The following SOAT2 variants were observed in gnomAD, a reference collection of about 807,000 sequenced individuals.
SOAT2 encodes the protein ACAT-2.
In SOAT2, 87 loss-of-function variants were observed where a neutral mutation model predicts 76.0. That is an observed-to-expected ratio of 1.14 (90% confidence interval 0.96 to 1.37). SOAT2 has a LOEUF of 1.37. Ranked by LOEUF, SOAT2 falls within the 40% of genes most tolerant of loss-of-function variation. The probability of loss-of-function intolerance (pLI) is 0.00; values close to 1 mark genes in which losing one functional copy is unlikely to be tolerated. For missense variants in SOAT2, 686 were observed against 682.1 expected (o/e 1.01, Z -0.06); for synonymous variants, 285 against 275.4 (o/e 1.03, Z -0.34).
At chr12:53,115,967 A>T (rs945924391) in intron 6 of SOAT2, 130 bp from the exon 7 acceptor site, 45 of 823,422 alleles carry the variant, frequency 5.5e-5, no homozygotes, top group Middle Eastern at 2.3e-4. Flanking sequence ...ACAAAAAGAA[A>T]AAGTATGGGC....
chr12:53,105,103 G>T lies in SOAT2; in HGVS notation c.139-4G>T. The T allele has an allele frequency of 6.4e-7, 1 of 1,555,590 alleles. No homozygotes were observed. ...GTGGGCTCTACCCTGGCTTTGTCCC[G>T]TAGGCTGTGAAGGCACAATTGCTGG... On this transcript the variant is annotated splice_polypyrimidine_tract_variant and splice_region_variant and intron_variant, in intron 2 of 14. Transcript: ENST00000301466.
intron 3 of SOAT2, among the ~76,000 whole-genome samples, 159 bp downstream of exon 3, chr12:53,105,402 G>A (rs546949717): frequency 3.9e-5 from 6 of 152,084 alleles, no homozygotes; most frequent in South Asian, 2.1e-4. Flanking sequence ...ACTGGGCCTC[G>A]CTCTGCCCTG....
Position 53,123,831 on chromosome 12 carries a change from C to T in SOAT2, c.1476C>T (p.Tyr492=). 3.1e-6 allele frequency: 5 copies of T among 1,614,164 alleles called. No homozygotes were observed. Among genetic ancestry groups the T allele is most frequent in the Non-Finnish European group, 4.2e-6 (5 of 1,180,036 alleles). ...GCCAGGGAATCCAGGTCAGCCTGTA[C>T]TGCCAGGAGTGGTACGCACGGCGGC... The part of the protein sequence containing the change: ...FLGQGIQVSL[Y]CQEWYARRHC... Residue 492 remains tyrosine, a synonymous_variant, in exon 14 of 15, where the codon TAC becomes TAT. Transcript: ENST00000301466.
chr12:53,123,608 C>A, intron 13 of SOAT2, 120 bp from the exon 14 acceptor site: 1 of 1,232,456 alleles, frequency 8.1e-7, no homozygotes, highest in Non-Finnish European at 1.1e-6. Context: ...CACCTGAGTT[C>A]AAGATCTTCT....
At chr12:53,106,088 C>A in intron 5 of SOAT2, 74 bp downstream of exon 5, 1 of 1,024,764 alleles carries the variant, frequency 9.8e-7, no homozygotes, top group Non-Finnish European at 1.5e-6. Context: ...CCCCACCTGC[C>A]CTTGGGGCAA....
In SOAT2 at chr12:53,118,911, T is replaced by C. The variant is rs770015515; in HGVS notation, c.885T>C (p.Asn295=). The C allele has an allele frequency of 6.2e-7, 1 of 1,613,900 alleles. No individual in the cohort carries two copies. The highest frequency in any genetic ancestry group is 1.1e-5 in the South Asian group (1 of 91,062). Residue 295 remains asparagine (N), a synonymous_variant, in exon 9 of 15, where the codon AAT becomes AAC. Coordinates refer to ENST00000301466, the MANE Select transcript of SOAT2 (RefSeq NM_003578.4). ...GCAGGACGCCCTATGTCAGGTGGAA[T>C]TATGTGGCCAAGAACTTTGCCCAGG... ...TYPRTPYVRW[N]YVAKNFAQAL...
chr12:53,116,125 TC>T lies in SOAT2; in HGVS notation c.739del (p.Leu247Ter). ...AGGTTCCTGATGAAAAGCTACTCCTTCCTGAGAGAGGCTGTGCCTGGGACCC... is the reference window on the plus strand; with the variant it reads ...AGGTTCCTGATGAAAAGCTACTCCTTCTGAGAGAGGCTGTGCCTGGGACCC... ...QVRFLMKSYS[F>X]LREAVPGTLR... On this transcript the variant is annotated frameshift_variant, in exon 7 of 15. Transcript: ENST00000301466. LOFTEE classifies it high-confidence loss of function. 1 of 1,614,150 alleles carries T rather than the reference TC, an allele frequency of 6.2e-7. No individual in the cohort carries two copies. The highest frequency in any genetic ancestry group is 8.5e-7 in the Non-Finnish European group (1 of 1,179,994).
rs1445922142 is a variant in SOAT2, at chr12:53,118,451, C to T, written c.863+17C>T. The T allele has an allele frequency of 5.0e-6, 8 of 1,584,974 alleles. No homozygotes were observed. Among genetic ancestry groups the T allele is most frequent in the Non-Finnish European group, 6.9e-6 (8 of 1,153,524 alleles). ...TTACCCTAGGTAAGACCCTGCACTC[C>T]TTCCCCAAATGCCCAGGCCCATCAG... On this transcript the variant is annotated intron_variant, in intron 8 of 14. Coordinates refer to ENST00000301466, the MANE Select transcript of SOAT2 (RefSeq NM_003578.4).
At chr12:53,112,099 T>G (rs564528702) in intron 5 of SOAT2, among the ~76,000 whole-genome samples, 62 of 152,332 alleles carry the variant, frequency 4.1e-4, no homozygotes, top group African/African-American at 1.4e-3. Flanking sequence ...CATGTGAGGC[T>G]TTTACAGTGC....
Position 53,121,305 on chromosome 12 carries a change from C to T in SOAT2, c.1140C>T (p.Asp380=). Residue 380 remains aspartate (D), a splice_region_variant and synonymous_variant, in exon 12 of 15, where the codon GAC becomes GAT. Transcript: ENST00000301466. ...LRFGDRMFYR[D]WWNSTSFSNY... The stretch of plus-strand genomic sequence containing the variant: ...CACTCTGACCCCACCTTCTCCAGGA[C>T]TGGTGGAACTCAACGTCCTTCTCCA... The T allele has an allele frequency of 6.2e-7, 1 of 1,613,010 alleles. No homozygotes were observed. The highest frequency in any genetic ancestry group is 8.5e-7 in the Non-Finnish European group (1 of 1,178,948).
rs1207875230 is a variant in SOAT2 at position 53,115,592 on chromosome 12, G to C, written c.646G>C (p.Val216Leu). 10 of 1,576,646 alleles carry C rather than the reference G, an allele frequency of 6.3e-6. No individual in the cohort carries two copies. Among genetic ancestry groups the C allele is most frequent in the Non-Finnish European group, 8.6e-6 (10 of 1,167,338 alleles). Residue 216 changes from valine (V) to leucine (L), a missense_variant, in exon 6 of 15, where the codon GTC (valine) becomes CTC (leucine). By Grantham distance (32) the Val-to-Leu change is conservative (BLOSUM62 1). Transcript: ENST00000301466. The part of the protein sequence containing the change: ...AHAVVLCALP[V>L]HVAVEHQLPP... The stretch of plus-strand genomic sequence containing the variant: ...CGCCGTGGTGCTCTGCGCGCTGCCG[G>C]TCCACGTGGCCGTGGAGCATCAGCT...
intron 7 of SOAT2, among the ~76,000 whole-genome samples, chr12:53,118,119 A>G (rs1938132966): frequency 6.6e-6 from 1 of 152,106 alleles, no homozygotes; most frequent in African/African-American, 2.4e-5. Context: ...ACTGGAAGAT[A>G]GGGTGCCTGA....
intron 5 of SOAT2, among the ~76,000 whole-genome samples, chr12:53,114,064 C>T (rs1448846101): frequency 2.0e-5 from 3 of 152,096 alleles, no homozygotes; most frequent in African/African-American, 7.2e-5. Flanking sequence ...TGTATAAGGG[C>T]ACTGGCTTTT....
chr12:53,113,500 A>C (rs1565627234), intron 5 of SOAT2, among the ~76,000 whole-genome samples: 1 of 152,190 alleles, frequency 6.6e-6, no homozygotes, highest in Non-Finnish European at 1.5e-5. Context: ...GTGGCTGAAC[A>C]CAGCACCATC....
intron 14 of SOAT2, 69 bp from the exon 15 acceptor site, chr12:53,124,004 C>T (rs909743248): frequency 6.2e-7 from 1 of 1,605,650 alleles, no homozygotes; most frequent in Non-Finnish European, 8.5e-7. Flanking sequence ...GATGGACTCT[C>T]ACGTCTTGGA....
chr12:53,105,455 G>A, intron 3 of SOAT2, 106 bp from the exon 4 acceptor site: 1 of 1,298,104 alleles, frequency 7.7e-7, no homozygotes, highest in Non-Finnish European at 1.1e-6. Flanking sequence ...CCCTAGCCCT[G>A]ACCTTTCCCT....
Position 53,105,999 on chromosome 12 carries a change from T to A in SOAT2, c.428T>A (p.Phe143Tyr), listed in dbSNP as rs778231187. ...VFIISTLAID[F>Y]IDEGRLLLEF... ...ATCATCAGCACCCTGGCCATCGACT[T>A]CATTGATGAGGGCAGGTAGGTCCCC... is the stretch of plus-strand genomic sequence containing the variant. The change falls in exon 5 of 15, where the codon TTC becomes TAC. Residue 143 changes from phenylalanine (F) to tyrosine (Y), a missense_variant. By Grantham distance (22) the Phe-to-Tyr change is conservative. Coordinates refer to ENST00000301466, the MANE Select transcript of SOAT2 (RefSeq NM_003578.4). 4.5e-5 allele frequency: 72 copies of A among 1,613,342 alleles called. No homozygotes were observed. Among genetic ancestry groups the A allele is most frequent in the Non-Finnish European group, 5.9e-5 (70 of 1,179,456 alleles).
chr12:53,104,941 G>C (rs12230946), intron 2 of SOAT2, among the ~76,000 whole-genome samples, 166 bp from the exon 3 acceptor site: 6 of 143,312 alleles, frequency 4.2e-5, no homozygotes, highest in African/African-American at 7.8e-5. Flanking sequence ...CCTTCCCCCC[G>C]CAGGCCTGCC....
At chr12:53,120,281 A>C (rs532932353) in intron 10 of SOAT2, among the ~76,000 whole-genome samples, 14 of 152,140 alleles carry the variant, frequency 9.2e-5, no homozygotes, top group Non-Finnish European at 1.5e-4. Flanking sequence ...CATCCTGGCT[A>C]ACACGGTGAA....
Sources: gnomAD v4.1 joint callset for allele counts (sites outside exome capture counted in the v4.1 genomes callset) on GRCh38, gnomAD v4.1.1 for gene constraint, MANE v1.5 for transcripts, NCBI Gene and HGNC (gene_info 2026-07-23, HGNC 2026-07-21) for gene names.